The following USF3 variants were observed in gnomAD, a reference collection of about 807,000 sequenced individuals.
USF3 encodes the protein upstream transcription factor family member 3, also known as basic helix-loop-helix domain-containing protein USF3.
Under a neutral mutation model 157.5 loss-of-function variants are expected in USF3, and 29 were observed. The observed-to-expected ratio is 0.18, with a 90% CI of 0.14 to 0.25. The LOEUF (loss-of-function observed/expected upper bound fraction) is 0.25. Ranked by LOEUF, USF3 falls within the 10% of genes least tolerant of loss-of-function variation. The probability of loss-of-function intolerance (pLI) is 1.00; values close to 1 mark genes in which losing one functional copy is unlikely to be tolerated. For synonymous variants in USF3, 893 were observed against 941.4 expected (o/e 0.95, Z 0.94); for missense variants, 2,381 against 2,667.6 (o/e 0.89, Z 2.37).
rs1378553122 is a variant in USF3 at position 113,656,185 on chromosome 3, T to G, written c.5497A>C (p.Ile1833Leu). The part of the protein sequence containing the change: ...LLAPHLSDQV[I>L]GSQRSLSEHQ... ...TCTGAGAGTGACCTCTGGCTCCCAA[T>G]GACCTGATCACTGAGGTGAGGGGCA... The change falls in exon 7 of 7, where the codon ATT (isoleucine) becomes CTT (leucine). Residue 1833 changes from isoleucine to leucine, a missense_variant. By Grantham distance (5) the Ile-to-Leu change is conservative. Coordinates refer to ENST00000316407, the MANE Select transcript of USF3 (RefSeq NM_001009899.4). The G allele has an allele frequency of 1.2e-6, 2 of 1,614,190 alleles. No homozygotes were observed. The highest frequency in any genetic ancestry group is 1.7e-6 in the Non-Finnish European group (2 of 1,180,026).
chr3:113,661,531 C>T, intron 6 of USF3, 106 bp from the exon 7 acceptor site: 1 of 614,370 alleles, frequency 1.6e-6, no homozygotes, highest in South Asian at 2.7e-5. Context: ...TTCTAGCATT[C>T]TAAGTACTTC....
In USF3 at chr3:113,664,789, G is replaced by A. The variant is rs116420998; in HGVS notation, c.160-380C>T. ...TGTTTGTGCCCCCTAAAATTCATAT[G>A]TCTAAACCCTTATCCCCAGTGTGAT... On this transcript the variant is annotated intron_variant, in intron 5 of 6. Coordinates refer to ENST00000316407, the MANE Select transcript of USF3 (RefSeq NM_001009899.4). 4.9e-3 allele frequency among the ~76,000 whole-genome samples: 752 copies of A among 152,282 alleles called. 5 individuals are homozygous for A. The highest frequency in any genetic ancestry group is 0.017 in the African/African-American group (719 of 41,538).
rs748332477 is a variant in USF3 at position 113,664,355 on chromosome 3, G to C, written c.214C>G (p.Gln72Glu). The change falls in exon 6 of 7, where the codon CAA becomes GAA. Residue 72 changes from glutamine (Q) to glutamate (E), a missense_variant. Gln to Glu is a conservative substitution (Grantham distance 29). This residue lies in a region of USF3 where 105 missense variants were observed against 158.6 expected (regional missense o/e 0.66). Transcript: ENST00000316407. ...AFKYITELKR[Q>E]NDELLLNGGN... ...CCATTAAGCAGGAGTTCATCATTTT[G>C]CCTTTTCAATTCTGTTATATATTTA... 5.0e-6 allele frequency: 8 copies of C among 1,609,296 alleles called. No homozygotes were observed. The Admixed American group carries it at 1.3e-4, about 27-fold the overall frequency.
At chr3:113,675,348 C>A (rs1440007000) in intron 2 of USF3, among the ~76,000 whole-genome samples, 1 of 152,166 alleles carries the variant, frequency 6.6e-6, no homozygotes, top group Non-Finnish European at 1.5e-5. Flanking sequence ...AGAGCACAAA[C>A]ATGTAATATT....
Position 113,685,643 on chromosome 3 carries a change from G to A in USF3, c.-134-8246C>T, listed in dbSNP as rs564504316. Among the ~76,000 whole-genome samples, 6 of 152,256 alleles carry A rather than the reference G, an allele frequency of 3.9e-5. No individual in the cohort carries two copies. In the East Asian group the frequency reaches 1.2e-3, roughly 29 times the overall value. On this transcript the variant is annotated intron_variant, in intron 1 of 6. Transcript: ENST00000316407. ...GGCCACCACAGATGAGAATTGTGCTGGGTCACACCTGAAATGAGCACAGTT... is the reference window on the plus strand; with the variant it reads ...GGCCACCACAGATGAGAATTGTGCTAGGTCACACCTGAAATGAGCACAGTT...
chr3:113,660,755 T>A lies in USF3; in HGVS notation c.927A>T (p.Ala309=). Residue 309 remains alanine (A), a synonymous_variant, in exon 7 of 7, where the codon GCA becomes GCT. Coordinates refer to ENST00000316407, the MANE Select transcript of USF3 (RefSeq NM_001009899.4). ...TTCCATGGTGCACTTTAGTGGCAGT[T>A]GCTGAGGAGCTGTGGGGGATGTTTG... is the stretch of plus-strand genomic sequence containing the variant. ...CVTNIPHSSS[A]TATKVHHGNK... The A allele has an allele frequency of 2.5e-6, 4 of 1,614,196 alleles. No individual in the cohort carries two copies. Among genetic ancestry groups the A allele is most frequent in the Non-Finnish European group, 2.5e-6 (3 of 1,180,020 alleles).
Position 113,661,075 on chromosome 3 carries a change from G to A in USF3, c.607C>T (p.Pro203Ser). The change falls in exon 7 of 7, where the codon CCT becomes TCT. Residue 203 changes from proline to serine, a missense_variant. By Grantham distance (74) the Pro-to-Ser change is moderately conservative. This residue lies in a region of USF3 where 1,435 missense variants were observed against 1,550.9 expected (regional missense o/e 0.93). Coordinates refer to ENST00000316407, the MANE Select transcript of USF3 (RefSeq NM_001009899.4). The stretch of plus-strand genomic sequence containing the variant: ...TGATGCCATGGCTTGTTTTCAGAAG[G>A]GTAAACTCCAGAAATAGATACAGGA... The part of the protein sequence containing the change: ...VTPVSISGVY[P>S]SENKPWHQTT... 6.2e-7 allele frequency: 1 copy of A among 1,614,090 alleles called. No individual in the cohort carries two copies. The highest frequency in any genetic ancestry group is 8.5e-7 in the Non-Finnish European group (1 of 1,180,026).
rs1207896941 is a variant in USF3 at position 113,655,715 on chromosome 3, T to C, written c.5967A>G (p.Lys1989=). ...RHPLQDSSGS[K]IRQPERNRSG... is the part of the protein sequence containing the mutation. ...AACGATTCCTTTCAGGCTGACGAAT[T>C]TTGGAACCACTGCTGTCTTGCAGGG... The change falls in exon 7 of 7, where the codon AAA becomes AAG. Residue 1989 remains lysine, a synonymous_variant. Coordinates refer to ENST00000316407, the MANE Select transcript of USF3 (RefSeq NM_001009899.4). 1.2e-6 allele frequency: 2 copies of C among 1,613,774 alleles called. No homozygotes were observed. The highest frequency in any genetic ancestry group is 2.7e-5 in the African/African-American group (2 of 74,928).
intron 1 of USF3, among the ~76,000 whole-genome samples, chr3:113,691,843 T>G (rs1707692057): frequency 6.6e-6 from 1 of 152,184 alleles, no homozygotes; most frequent in Non-Finnish European, 1.5e-5. Context: ...TCTCCTTATC[T>G]CCTTCTCTTT....
intron 5 of USF3, 67 bp from the exon 6 acceptor site, chr3:113,664,476 T>C (rs1700422849): frequency 1.2e-6 from 1 of 814,384 alleles, no homozygotes; most frequent in South Asian, 1.6e-5. Flanking sequence ...GATGAAACTT[T>C]AAGCTTTGTC....
intron 1 of USF3, among the ~76,000 whole-genome samples, chr3:113,679,878 AGTTT>A (rs1303825971): frequency 2.6e-5 from 4 of 151,942 alleles, no homozygotes; most frequent in African/African-American, 4.8e-5. Flanking sequence ...TTCATCTAGT[AGTTT>A]GTTCATTTTT....
chr3:113,689,138 C>T (rs779648925), intron 1 of USF3, among the ~76,000 whole-genome samples: 1 of 152,216 alleles, frequency 6.6e-6, no homozygotes, highest in Non-Finnish European at 1.5e-5. Flanking sequence ...TAGGAATAGC[C>T]TTTGATGTCA....
At chr3:113,690,622 TA>T (rs1430508037) in intron 1 of USF3, among the ~76,000 whole-genome samples, 1 of 152,314 alleles carries the variant, frequency 6.6e-6, no homozygotes, top group South Asian at 2.1e-4. Context: ...CCTTATCAGC[TA>T]CTTCACTTTA....
intron 1 of USF3, among the ~76,000 whole-genome samples, chr3:113,694,980 G>A (rs549916605): frequency 6.6e-6 from 1 of 152,296 alleles, no homozygotes; most frequent in South Asian, 2.1e-4. Flanking sequence ...AGGAGGCGGA[G>A]GTTGCAGTGA....
chr3:113,684,981 C>T (rs765575444), intron 1 of USF3, among the ~76,000 whole-genome samples: 79 of 152,186 alleles, frequency 5.2e-4, no homozygotes, highest in Non-Finnish European at 9.7e-4. Context: ...TTGTTTGTAC[C>T]CATCCTTCTT....
intron 4 of USF3, among the ~76,000 whole-genome samples, chr3:113,671,750 TTTC>T (rs1422402304): frequency 6.6e-6 from 1 of 150,984 alleles, no homozygotes; most frequent in African/African-American, 2.4e-5. Context: ...TTTCTCCTTT[TTTC>T]TTTTCTTCTT....
At position 113,649,725 on chromosome 3, in the gene USF3, C is replaced by A; in HGVS notation, c.*5219G>T. The A allele has an allele frequency of 1.5e-6, 1 of 662,840 alleles. No homozygotes were observed. The highest frequency in any genetic ancestry group is 2.7e-6 in the Non-Finnish European group (1 of 369,374). 41.1% of individuals were successfully genotyped at this position (662,840 alleles called of 1,614,324 possible). A position where few individuals can be genotyped will look rare whatever the true frequency, so the allele number is the denominator to read the frequency against. ...CACAGTTTCAGGTAAAGTGCAGGAA[C>A]AGGGTAGAGGCTACAGGTGGAAAGA... On this transcript the variant is annotated 3_prime_UTR_variant, in exon 7 of 7. Coordinates refer to ENST00000316407, the MANE Select transcript of USF3 (RefSeq NM_001009899.4).
At chr3:113,670,414 C>A (rs541469666) in intron 4 of USF3, among the ~76,000 whole-genome samples, 1 of 152,180 alleles carries the variant, frequency 6.6e-6, no homozygotes, top group Non-Finnish European at 1.5e-5. Flanking sequence ...GCCTGGCCAA[C>A]ATGGCAAAAC....
chr3:113,690,683 T>C (rs1423493924), intron 1 of USF3, among the ~76,000 whole-genome samples: 1 of 152,202 alleles, frequency 6.6e-6, no homozygotes. Context: ...CACTTTGCTC[T>C]GTTTATCCAA....
Sources: gnomAD v4.1 joint callset for allele counts (sites outside exome capture counted in the v4.1 genomes callset) on GRCh38, gnomAD v4.1.1 for gene constraint, gnomAD v4.1.1 regional missense constraint, MANE v1.5 for transcripts, NCBI Gene and HGNC (gene_info 2026-07-23, HGNC 2026-07-21) for gene names.